Variants in TAFA1 observed in about 807,000 individuals in gnomAD.
TAFA1 encodes chemokine-like protein TAFA-1.
Under a neutral mutation model 18.5 loss-of-function variants are expected in TAFA1, and 4 were observed. The observed-to-expected ratio is 0.22, with a 90% CI of 0.11 to 0.49. The LOEUF (loss-of-function observed/expected upper bound fraction) is 0.49. Ranked by LOEUF, TAFA1 falls within the 20% of genes least tolerant of loss-of-function variation. The probability of loss-of-function intolerance (pLI) is 0.98; values close to 1 mark genes in which losing one functional copy is unlikely to be tolerated. For synonymous variants in TAFA1, 56 were observed against 55.2 expected, an observed-to-expected ratio of 1.01 and a Z score of -0.06; for missense variants, 147 against 169.0, an observed-to-expected ratio of 0.87 and a Z score of 0.72.
chr3:68,348,650 C>T (rs169023), intron 2 of TAFA1, among the ~76,000 whole-genome samples: 25,784 of 152,028 alleles, frequency 0.17, 2,605 homozygotes, highest in South Asian at 0.23. Flanking sequence ...ACTCCTGAAA[C>T]GCCAATAAAT....
chr3:68,418,356 G>T (rs548078336), intron 3 of TAFA1, among the ~76,000 whole-genome samples: 2 of 152,122 alleles, frequency 1.3e-5, no homozygotes, highest in East Asian at 3.9e-4. Flanking sequence ...AAGGTGCTCA[G>T]TGGGGGAGCT....
chr3:68,079,114 A>G (rs12637028), intron 2 of TAFA1, among the ~76,000 whole-genome samples: 2 of 152,290 alleles, frequency 1.3e-5, no homozygotes, highest in East Asian at 3.9e-4. Context: ...TGTTTGTAGT[A>G]TTCTCTGATG....
intron 2 of TAFA1, among the ~76,000 whole-genome samples, chr3:68,124,203 G>A (rs1441008932): frequency 1.3e-5 from 2 of 152,290 alleles, no homozygotes; most frequent in Middle Eastern, 3.4e-3. Context: ...CTTGTCACTC[G>A]ATGGTAACAG....
At chr3:68,496,145 G>C (rs1858375) in intron 3 of TAFA1, among the ~76,000 whole-genome samples, 29,043 of 151,998 alleles carry the variant, frequency 0.19, 2,906 homozygotes, top group Non-Finnish European at 0.21. Flanking sequence ...ACCCTTTTAC[G>C]CAGAAAGATC....
At chr3:68,509,881 T>G (rs2072819802) in intron 3 of TAFA1, among the ~76,000 whole-genome samples, 1 of 152,126 alleles carries the variant, frequency 6.6e-6, no homozygotes, top group South Asian at 2.1e-4. Context: ...TGAAGGGAAC[T>G]GGATCCATTT....
intron 2 of TAFA1, among the ~76,000 whole-genome samples, chr3:68,414,500 C>A (rs963238269): frequency 6.6e-6 from 1 of 152,122 alleles, no homozygotes; most frequent in Non-Finnish European, 1.5e-5. Context: ...TGACTGGGGT[C>A]ACACTTATGT....
intron 2 of TAFA1, among the ~76,000 whole-genome samples, chr3:68,039,831 G>T (rs1429650269): frequency 6.6e-6 from 1 of 152,108 alleles, no homozygotes; most frequent in Non-Finnish European, 1.5e-5. Flanking sequence ...GGGGCTTTCT[G>T]GGGGACTGTG....
intron 2 of TAFA1, among the ~76,000 whole-genome samples, chr3:68,056,406 T>C (rs757261554): frequency 3.3e-5 from 5 of 152,298 alleles, no homozygotes; most frequent in Admixed American, 2.0e-4. Flanking sequence ...GCAAGTCCCA[T>C]GTCCCAGGAA....
At chr3:68,140,709 T>G (rs1352030971) in intron 2 of TAFA1, among the ~76,000 whole-genome samples, 2 of 152,188 alleles carry the variant, frequency 1.3e-5, no homozygotes, top group African/African-American at 4.8e-5. Context: ...CATAAAGCAC[T>G]AAGACTAGGA....
chr3:68,145,220 G>T, intron 2 of TAFA1: 1 of 794,876 alleles, frequency 1.3e-6, no homozygotes, highest in Non-Finnish European at 2.3e-6. Flanking sequence ...TGAACTTGGG[G>T]GAATTTGGTC....
At chr3:68,259,851 T>G (rs1374656946) in intron 2 of TAFA1, among the ~76,000 whole-genome samples, 4 of 151,704 alleles carry the variant, frequency 2.6e-5, no homozygotes, top group Admixed American at 2.6e-4. Flanking sequence ...AGACAATGGG[T>G]TTTTCTAGAT....
intron 2 of TAFA1, among the ~76,000 whole-genome samples, chr3:68,051,871 A>G (rs2064475098): frequency 6.6e-6 from 1 of 152,128 alleles, no homozygotes; most frequent in African/African-American, 2.4e-5. Flanking sequence ...ATTTTCTTCT[A>G]AAATAATTTT....
At chr3:68,123,349 G>T (rs181626402) in intron 2 of TAFA1, among the ~76,000 whole-genome samples, 18 of 152,278 alleles carry the variant, frequency 1.2e-4, no homozygotes, top group African/African-American at 3.8e-4. Context: ...GGGGAGGAGG[G>T]ATGTTGTCCA....
chr3:68,510,333 G>C (rs1302395350), intron 3 of TAFA1, among the ~76,000 whole-genome samples: 1 of 152,130 alleles, frequency 6.6e-6, no homozygotes, highest in Admixed American at 6.6e-5. Context: ...GAATGGACAG[G>C]GCTTTGGCCA....
rs77341732 is a variant in TAFA1, at chr3:68,280,389, T to C, written c.119-136891T>C. Among the ~76,000 whole-genome samples, 1,448 of 152,326 alleles carry C rather than the reference T, an allele frequency of 9.5e-3. 19 individuals are homozygous for C. Among genetic ancestry groups the C allele is most frequent in the African/African-American group, 0.033 (1,388 of 41,584 alleles). Reference sequence around the variant, plus strand: ...TAAGTTACAAAGTTAGTGACATTTATTCTGCCCTGTTTGGTGGTTCATTGT... The same window carrying C: ...TAAGTTACAAAGTTAGTGACATTTACTCTGCCCTGTTTGGTGGTTCATTGT... On this transcript the variant is annotated intron_variant, in intron 2 of 4. Coordinates refer to ENST00000478136, the MANE Select transcript of TAFA1 (RefSeq NM_213609.4).
chr3:68,508,324 A>G (rs1006339817), intron 3 of TAFA1, among the ~76,000 whole-genome samples: 2 of 152,082 alleles, frequency 1.3e-5, no homozygotes, highest in Admixed American at 6.6e-5. Context: ...AAGGGGACAT[A>G]AACATGCAGT....
intron 2 of TAFA1, among the ~76,000 whole-genome samples, chr3:68,329,101 T>C (rs1052478625): frequency 6.6e-6 from 1 of 151,334 alleles, no homozygotes; most frequent in Non-Finnish European, 1.5e-5. Flanking sequence ...TTTTTTTTTT[T>C]TGGGACAGAG....
chr3:68,462,013 CAG>C (rs963495690), intron 3 of TAFA1, among the ~76,000 whole-genome samples: 7 of 151,972 alleles, frequency 4.6e-5, no homozygotes, highest in African/African-American at 1.2e-4. Context: ...TTGATAAAAA[CAG>C]AATACATTTT....
intron 2 of TAFA1, among the ~76,000 whole-genome samples, chr3:68,361,908 G>A (rs1324208387): frequency 1.3e-5 from 2 of 152,074 alleles, no homozygotes; most frequent in African/African-American, 2.4e-5. Context: ...GAGTTGCAGA[G>A]TTGTGTAAAT....
Sources: allele counts gnomAD v4.1 joint callset (sites outside exome capture counted in the v4.1 genomes callset), GRCh38; gene constraint gnomAD v4.1.1; transcripts MANE v1.5; gene names NCBI Gene and HGNC (gene_info 2026-07-23, HGNC 2026-07-21).